The following SAP130 variants were observed in gnomAD, a reference collection of about 807,000 sequenced individuals.
SAP130 encodes histone deacetylase complex subunit SAP130.
Under a neutral mutation model 103.2 loss-of-function variants are expected in SAP130, and 16 were observed. The ratio of observed to expected loss-of-function variants is 0.16; its 90% CI spans 0.10 to 0.24. The LOEUF is 0.24. Ranked by LOEUF, SAP130 falls within the 10% of genes least tolerant of loss-of-function variation. SAP130 has a pLI of 1.00. For missense variants in SAP130, 990 were observed against 1,359.7 expected (o/e 0.73, Z 4.28); for synonymous variants, 477 against 497.0 (o/e 0.96, Z 0.53).
chr2:127,945,533 T>C lies in SAP130; in HGVS notation c.2824A>G (p.Ile942Val). The C allele has an allele frequency of 1.2e-6, 2 of 1,612,400 alleles. No individual in the cohort carries two copies. Among genetic ancestry groups the C allele is most frequent in the Non-Finnish European group, 1.7e-6 (2 of 1,178,432 alleles). ...KEEKKAMLQE[I>V]ANQKGVSCRA... ...CAGGATACTCCTTTCTGATTAGCTA[T>C]TTCCTGCAGCATAGCTTTCTTCTCC... Residue 942 changes from isoleucine (I) to valine (V), a missense_variant, in exon 19 of 21, where the codon ATA (isoleucine) becomes GTA (valine). Transcript: ENST00000643581.
chr2:127,958,822 C>T (rs1422326103), intron 15 of SAP130, among the ~76,000 whole-genome samples: 1 of 152,106 alleles, frequency 6.6e-6, no homozygotes, highest in Non-Finnish European at 1.5e-5. Flanking sequence ...CCATCCTTGA[C>T]TAAGTTTTGT....
intron 7 of SAP130, among the ~76,000 whole-genome samples, chr2:128,008,803 A>G (rs538009644): frequency 6.6e-5 from 10 of 151,600 alleles, no homozygotes; most frequent in South Asian, 4.2e-4. Flanking sequence ...CTCCCACCTC[A>G]GCTTCCCATG....
At chr2:127,990,519 T>C (rs78066589) in intron 12 of SAP130, among the ~76,000 whole-genome samples, 2,020 of 152,326 alleles carry the variant, frequency 0.013, 36 homozygotes, top group African/African-American at 0.047. Context: ...TTTAAATATC[T>C]TACACTTATA....
intron 15 of SAP130, among the ~76,000 whole-genome samples, chr2:127,958,635 T>TGA (rs372337440): frequency 0.033 from 4,155 of 127,518 alleles, 97 homozygotes; most frequent in African/African-American, 0.058. Flanking sequence ...GTGAGACAGA[T>TGA]GAGAGAGAGA....
At chr2:128,007,555 A>G (rs899273418) in intron 7 of SAP130, among the ~76,000 whole-genome samples, 1 of 152,210 alleles carries the variant, frequency 6.6e-6, no homozygotes, top group Non-Finnish European at 1.5e-5. Context: ...AACAACAAGT[A>G]GTCTATTTTA....
At chr2:127,985,133 C>G (rs747291280) in intron 14 of SAP130, among the ~76,000 whole-genome samples, 3 of 152,194 alleles carry the variant, frequency 2.0e-5, no homozygotes, top group Non-Finnish European at 4.4e-5. Context: ...TCTCCCCATC[C>G]TTGTGTGTTT....
chr2:127,992,838 C>T (rs1209135350), intron 12 of SAP130, among the ~76,000 whole-genome samples: 2 of 152,066 alleles, frequency 1.3e-5, no homozygotes, highest in Admixed American at 1.3e-4. Context: ...TATAAACAAA[C>T]CTTTATAAAT....
chr2:127,945,904 T>C (rs1284984948), intron 18 of SAP130, among the ~76,000 whole-genome samples: 1 of 152,210 alleles, frequency 6.6e-6, no homozygotes, highest in Non-Finnish European at 1.5e-5. Context: ...TTGCCTGCCA[T>C]GGCCTCCCAA....
chr2:127,950,422 A>G lies in SAP130; in HGVS notation c.2423-14T>C. 2 of 1,613,668 alleles carry G rather than the reference A, an allele frequency of 1.2e-6. No individual in the cohort carries two copies. Among genetic ancestry groups the G allele is most frequent in the Non-Finnish European group, 1.7e-6 (2 of 1,179,626 alleles). The stretch of plus-strand genomic sequence containing the variant: ...GTGGAGGAACTGCTGTCATAGGAAA[A>G]GGAGCACACATATCTGTAAGAACTC... On this transcript the variant is annotated splice_polypyrimidine_tract_variant and intron_variant, in intron 16 of 20. Transcript: ENST00000643581.
intron 15 of SAP130, among the ~76,000 whole-genome samples, chr2:127,961,395 A>G (rs1680237788): frequency 6.7e-6 from 1 of 150,166 alleles, no homozygotes; most frequent in South Asian, 2.1e-4. Flanking sequence ...TGATCCTCCC[A>G]TCTTGGCCTC....
At chr2:128,022,542 T>C (rs1685230139) in intron 2 of SAP130, among the ~76,000 whole-genome samples, 1 of 152,194 alleles carries the variant, frequency 6.6e-6, no homozygotes, top group Non-Finnish European at 1.5e-5. Context: ...GCCAAATTGT[T>C]TCTTGAAGTG....
chr2:128,000,033 G>A (rs757974776), intron 9 of SAP130, 23 bp downstream of exon 9: 67 of 1,606,466 alleles, frequency 4.2e-5, no homozygotes, highest in South Asian at 1.1e-5. Flanking sequence ...CCAGTAGAAG[G>A]AAGAGGAGGG....
At chr2:128,022,627 T>C (rs1201019782) in intron 2 of SAP130, among the ~76,000 whole-genome samples, 4 of 152,326 alleles carry the variant, frequency 2.6e-5, no homozygotes, top group Admixed American at 2.6e-4. Context: ...CTTGGTATTG[T>C]CAGTCTTTGT....
At chr2:127,977,681 A>G (rs1457806065) in intron 15 of SAP130, among the ~76,000 whole-genome samples, 1 of 152,204 alleles carries the variant, frequency 6.6e-6, no homozygotes, top group African/African-American at 2.4e-5. Flanking sequence ...AATGAGGCAA[A>G]TGGGAATCAG....
intron 4 of SAP130, 139 bp downstream of exon 4, chr2:128,016,250 A>T: frequency 2.4e-6 from 2 of 836,416 alleles, no homozygotes; most frequent in Non-Finnish European, 3.7e-6. Context: ...TCTCAAACCT[A>T]CTATCTTCAC....
At chr2:128,017,612 C>T (rs542344538) in intron 3 of SAP130, 68 bp downstream of exon 3, 37 of 1,337,710 alleles carry the variant, frequency 2.8e-5, no homozygotes, top group Admixed American at 3.6e-5. Flanking sequence ...AGATTTTATA[C>T]AAATTGTTAC....
intron 15 of SAP130, among the ~76,000 whole-genome samples, chr2:127,959,440 A>G (rs1033648171): frequency 1.3e-4 from 20 of 152,236 alleles, no homozygotes; most frequent in Admixed American, 1.2e-3. Flanking sequence ...TTACCCGGCC[A>G]GGTTGTAATG....
chr2:128,010,636 G>C (rs941513652), intron 6 of SAP130, among the ~76,000 whole-genome samples: 1 of 152,072 alleles, frequency 6.6e-6, no homozygotes, highest in African/African-American at 2.4e-5. Context: ...GAGGTGGGCA[G>C]ATCAACTGAG....
At chr2:127,999,327 C>G (rs1683383316) in intron 10 of SAP130, among the ~76,000 whole-genome samples, 1 of 152,100 alleles carries the variant, frequency 6.6e-6, no homozygotes, top group African/African-American at 2.4e-5. Context: ...ACTGCCTTAT[C>G]TCAGCTGAGT....
Sources: allele counts gnomAD v4.1 joint callset (sites outside exome capture counted in the v4.1 genomes callset), GRCh38; gene constraint gnomAD v4.1.1; transcripts MANE v1.5; gene names NCBI Gene and HGNC (gene_info 2026-07-23, HGNC 2026-07-21).